Variants in KLF13 observed in about 807,000 individuals in gnomAD.
KLF13 encodes Krueppel-like factor 13.
KLF13 carries 8 observed loss-of-function variants against 16.7 expected under a neutral mutation model. The ratio of observed to expected loss-of-function variants is 0.48; its 90% CI spans 0.28 to 0.87. The LOEUF (loss-of-function observed/expected upper bound fraction) is 0.87, where lower values mean the gene tolerates loss of function less well. Among genes scored for constraint, KLF13 ranks in the 40% least tolerant of loss-of-function variants. The pLI, the probability that KLF13 is intolerant of heterozygous loss-of-function variation, is 0.10. For missense variants in KLF13, 447 were observed against 452.2 expected (o/e 0.99, Z 0.10); for synonymous variants, 245 against 208.4 (o/e 1.18, Z -1.51).
intron 2 of KLF13, among the ~76,000 whole-genome samples, chr15:31,402,181 G>A (rs1290010785): frequency 6.6e-6 from 1 of 152,236 alleles, no homozygotes; most frequent in Admixed American, 6.5e-5. Flanking sequence ...GGGCATGGGA[G>A]CCACAGATGC....
chr15:31,429,188 ACAGCGTTTTCAGTG>A (rs1486063277), intron 1 of KLF13, among the ~76,000 whole-genome samples: 1 of 152,214 alleles, frequency 6.6e-6, no homozygotes, highest in Admixed American at 6.5e-5. Flanking sequence ...CAGGGAAAGG[ACAGCGTTTTCAGTG>A]CAGCGTTTTC....
chr15:31,359,150 GA>G (rs1322193968), intron 1 of KLF13, among the ~76,000 whole-genome samples: 1 of 152,230 alleles, frequency 6.6e-6, no homozygotes, highest in Admixed American at 6.5e-5. Context: ...GCAAGGGGCC[GA>G]TATACGTCTC....
intron 1 of KLF13, among the ~76,000 whole-genome samples, chr15:31,354,960 G>A (rs932932623): frequency 6.6e-6 from 1 of 152,170 alleles, no homozygotes; most frequent in Admixed American, 6.5e-5. Context: ...AAAGCCTGAA[G>A]TCACCCCACA....
intron 1 of KLF13, among the ~76,000 whole-genome samples, chr15:31,430,943 A>G (rs2040464432): frequency 6.6e-6 from 1 of 152,194 alleles, no homozygotes; most frequent in Non-Finnish European, 1.5e-5. Flanking sequence ...AAGTACACTC[A>G]TGAGCCTCCA....
Position 31,372,411 on chromosome 15 carries a change from T to C in KLF13, c.*112T>C, listed in dbSNP as rs911341986. The C allele has an allele frequency of 2.0e-5, 23 of 1,162,596 alleles. No individual in the cohort carries two copies. Among genetic ancestry groups the C allele is most frequent in the Non-Finnish European group, 2.5e-5 (22 of 889,568 alleles). The allele number at this position is 1,162,596 out of a possible 1,614,324, so 72.0% of individuals were successfully genotyped here. The stretch of plus-strand genomic sequence containing the variant: ...GATGCAAAGTCCACGAAAAAACAAT[T>C]TTTTTCACCTCAGGTGTCAAAGTAA... On this transcript the variant is annotated 3_prime_UTR_variant, in exon 2 of 2. Coordinates refer to ENST00000307145, the MANE Select transcript of KLF13 (RefSeq NM_015995.4).
intron 1 of KLF13, among the ~76,000 whole-genome samples, chr15:31,342,008 A>G (rs1254715356): frequency 2.0e-5 from 3 of 152,188 alleles, no homozygotes; most frequent in African/African-American, 7.2e-5. Context: ...GGTGAGCCTC[A>G]CGTGTTACCA....
chr15:31,389,410 TG>T (rs1371555910), upstream of KLF13, among the ~76,000 whole-genome samples: 1 of 152,262 alleles, frequency 6.6e-6, no homozygotes, highest in South Asian at 2.1e-4. Flanking sequence ...CTTGACTCAA[TG>T]GGGGAGGGGA....
At chr15:31,426,530 G>A (rs1449518681) in intron 1 of KLF13, among the ~76,000 whole-genome samples, 1 of 152,100 alleles carries the variant, frequency 6.6e-6, no homozygotes, top group Non-Finnish European at 1.5e-5. Context: ...CCTACAGAAT[G>A]GAAGAAATAT....
rs1302812105 is a variant in KLF13 at position 31,376,645 on chromosome 15, G to GATGC, written c.*4349_*4352dup. ...CCGGAGACCTTTGTACCAGAACTTG[G>GATGC]ATGCATAGTCCACCTTACTACTGAT... On this transcript the variant is annotated 3_prime_UTR_variant, in exon 2 of 2. Coordinates refer to ENST00000307145, the MANE Select transcript of KLF13 (RefSeq NM_015995.4). The GATGC allele has an allele frequency of 6.6e-6, 1 of 152,640 alleles. No individual in the cohort carries two copies. The highest frequency in any genetic ancestry group is 1.5e-5 in the Non-Finnish European group (1 of 68,058). 9.5% of individuals were successfully genotyped at this position (152,640 alleles called of 1,614,324 possible). A position where few individuals can be genotyped will look rare whatever the true frequency, so the allele number is the denominator to read the frequency against.
chr15:31,357,278 C>G (rs1439301405), intron 1 of KLF13, among the ~76,000 whole-genome samples: 1 of 145,452 alleles, frequency 6.9e-6, no homozygotes. Flanking sequence ...CTCTGGAAGT[C>G]TTCTCGTTGC....
chr15:31,410,360 A>G (rs1454281553), intron 1 of KLF13, among the ~76,000 whole-genome samples: 1 of 152,098 alleles, frequency 6.6e-6, no homozygotes, highest in Non-Finnish European at 1.5e-5. Context: ...CAAAAAGAAA[A>G]CAGGTAGCAA....
At chr15:31,408,185 C>A (rs528192272), downstream of KLF13, among the ~76,000 whole-genome samples, 14 of 152,256 alleles carry the variant, frequency 9.2e-5, no homozygotes, top group East Asian at 2.7e-3. Context: ...TTCTGCAAGA[C>A]AGCAGGTTAT....
chr15:31,342,305 C>A (rs746238806), intron 1 of KLF13, among the ~76,000 whole-genome samples: 2 of 152,158 alleles, frequency 1.3e-5, no homozygotes, highest in Non-Finnish European at 2.9e-5. Flanking sequence ...GGAGACCAGG[C>A]ATTCTCTGGG....
chr15:31,340,103 C>G, intron 1 of KLF13: 1 of 696,394 alleles, frequency 1.4e-6, no homozygotes. Flanking sequence ...TTTCCAGGGT[C>G]TCGTCTTCGT....
At chr15:31,398,476 C>G (rs1016061515) in intron 2 of KLF13, among the ~76,000 whole-genome samples, 2 of 152,016 alleles carry the variant, frequency 1.3e-5, no homozygotes, top group African/African-American at 4.8e-5. Flanking sequence ...AACCCCGCAG[C>G]CTACACCCAG....
chr15:31,402,791 T>C (rs2040057175), intron 2 of KLF13, among the ~76,000 whole-genome samples: 1 of 152,030 alleles, frequency 6.6e-6, no homozygotes, highest in Non-Finnish European at 1.5e-5. Flanking sequence ...TCCCCTGGGA[T>C]GTGTAGGCTG....
intron 1 of KLF13, among the ~76,000 whole-genome samples, chr15:31,409,832 T>G (rs1399299460): frequency 6.6e-6 from 1 of 152,060 alleles, no homozygotes. Context: ...AAATAAAAAC[T>G]GAGAAAATTT....
chr15:31,334,063 TC>T (rs1342740068), intron 1 of KLF13, among the ~76,000 whole-genome samples: 4 of 152,330 alleles, frequency 2.6e-5, no homozygotes, highest in African/African-American at 9.6e-5. Context: ...TACTCCATCT[TC>T]CAGCTTCCTT....
At chr15:31,397,048 G>A (rs56779044) in intron 2 of KLF13, among the ~76,000 whole-genome samples, 5,367 of 152,026 alleles carry the variant, frequency 0.035, 183 homozygotes, top group African/African-American at 0.094. Flanking sequence ...TCAGGGGCTG[G>A]TGCCTGTCCC....
Sources: allele counts gnomAD v4.1 joint callset (sites outside exome capture counted in the v4.1 genomes callset), GRCh38; gene constraint gnomAD v4.1.1; transcripts MANE v1.5; gene names NCBI Gene and HGNC (gene_info 2026-07-23, HGNC 2026-07-21).